The following KCNK2 variants were observed in gnomAD, a reference collection of about 807,000 sequenced individuals.
KCNK2 encodes the protein potassium channel subfamily K member 2.
KCNK2 carries 21 observed loss-of-function variants against 40.5 expected under a neutral mutation model. The observed-to-expected ratio is 0.52, with a 90% CI of 0.37 to 0.75. KCNK2 has a LOEUF of 0.75. KCNK2 is among the 30% of genes least tolerant of loss of function. The probability of loss-of-function intolerance (pLI) is 0.00; values close to 1 mark genes in which losing one functional copy is unlikely to be tolerated. For synonymous variants in KCNK2, 191 were observed against 202.2 expected, an observed-to-expected ratio of 0.94 and a Z score of 0.47; for missense variants, 399 against 531.6, an observed-to-expected ratio of 0.75 and a Z score of 2.45.
intron 5 of KCNK2, among the ~76,000 whole-genome samples, chr1:215,175,927 C>G (rs920696388): frequency 1.3e-5 from 2 of 151,976 alleles, no homozygotes; most frequent in African/African-American, 4.8e-5. Context: ...TGATTCCATG[C>G]CTTGGCTATT....
intron 2 of KCNK2, among the ~76,000 whole-genome samples, chr1:215,088,243 A>G (rs944447877): frequency 6.6e-6 from 1 of 152,182 alleles, no homozygotes; most frequent in Admixed American, 6.5e-5. Flanking sequence ...TGGAGGCAGC[A>G]TGGTGTAGCA....
chr1:215,091,371 C>T (rs189394378), intron 2 of KCNK2, among the ~76,000 whole-genome samples: 38 of 152,248 alleles, frequency 2.5e-4, no homozygotes, highest in Admixed American at 1.1e-3. Flanking sequence ...CCTACTCCTC[C>T]ACTTGGTGTC....
At chr1:215,019,231 GT>G (rs1183704057) in intron 1 of KCNK2, among the ~76,000 whole-genome samples, 1 of 152,168 alleles carries the variant, frequency 6.6e-6, no homozygotes, top group East Asian at 1.9e-4. Flanking sequence ...TGCTTTTAAA[GT>G]TTTCTGAGCA....
intron 6 of KCNK2, among the ~76,000 whole-genome samples, chr1:215,206,496 C>T (rs1665319081): frequency 6.6e-6 from 1 of 152,004 alleles, no homozygotes; most frequent in African/African-American, 2.4e-5. Context: ...TATGGAAAAT[C>T]ATATTTAGCC....
intron 1 of KCNK2, among the ~76,000 whole-genome samples, chr1:215,027,829 C>T (rs1367736193): frequency 6.6e-6 from 1 of 152,046 alleles, no homozygotes; most frequent in African/African-American, 2.4e-5. Context: ...TCTAACTTGC[C>T]TTCCATTCAC....
At chr1:215,090,096 G>C (rs368944042) in intron 2 of KCNK2, among the ~76,000 whole-genome samples, 1 of 152,130 alleles carries the variant, frequency 6.6e-6, no homozygotes, top group African/African-American at 2.4e-5. Context: ...AAAGAGCTGA[G>C]ATTACAGATG....
At chr1:215,039,556 A>T (rs920675281) in intron 1 of KCNK2, among the ~76,000 whole-genome samples, 1 of 152,160 alleles carries the variant, frequency 6.6e-6, no homozygotes, top group Non-Finnish European at 1.5e-5. Context: ...TGATAGAGGA[A>T]CTCAATTGAA....
intron 3 of KCNK2, among the ~76,000 whole-genome samples, chr1:215,157,469 T>G (rs1662984001): frequency 6.6e-6 from 1 of 152,206 alleles, no homozygotes; most frequent in South Asian, 2.1e-4. Flanking sequence ...TGCAATCTTC[T>G]CTATTCCTCA....
At chr1:215,009,833 T>C (rs1013039695) in intron 1 of KCNK2, among the ~76,000 whole-genome samples, 2 of 152,180 alleles carry the variant, frequency 1.3e-5, no homozygotes, top group Non-Finnish European at 2.9e-5. Flanking sequence ...TTCTCTGTCT[T>C]CTCTACTATA....
At chr1:215,214,762 G>GT (rs780415615) in intron 6 of KCNK2, among the ~76,000 whole-genome samples, 2 of 152,048 alleles carry the variant, frequency 1.3e-5, no homozygotes, top group Non-Finnish European at 2.9e-5. Flanking sequence ...GGAGGTCGAG[G>GT]TTGCAAGGAG....
At position 215,205,767 on chromosome 1, in the gene KCNK2, C is replaced by T. The variant is rs142550753; in HGVS notation, c.963+10675C>T. Among the ~76,000 whole-genome samples the T allele has an allele frequency of 3.5e-4, 54 of 152,260 alleles. 1 individual carries two copies. Among genetic ancestry groups the T allele is most frequent in the African/African-American group, 1.3e-3 (53 of 41,542 alleles). ...GGCTATTTGTTCTATATAACCTTTG[C>T]TATCCTGATTAATTTGGTAACACAC... On this transcript the variant is annotated intron_variant, in intron 6 of 6. Transcript: ENST00000444842.
At chr1:215,064,678 T>C (rs1054972442) in intron 1 of KCNK2, among the ~76,000 whole-genome samples, 1 of 152,172 alleles carries the variant, frequency 6.6e-6, no homozygotes, top group Non-Finnish European at 1.5e-5. Context: ...GATGATACCA[T>C]CTAAGAGTAT....
intron 2 of KCNK2, among the ~76,000 whole-genome samples, chr1:215,093,583 A>G (rs1659800244): frequency 9.4e-6 from 1 of 106,310 alleles, no homozygotes; most frequent in Non-Finnish European, 1.7e-5. Context: ...TAGTATATAT[A>G]CTATATAATA....
intron 3 of KCNK2, among the ~76,000 whole-genome samples, chr1:215,140,315 A>G (rs1662119545): frequency 6.6e-6 from 1 of 152,188 alleles, no homozygotes; most frequent in Non-Finnish European, 1.5e-5. Flanking sequence ...TGTGAGATCC[A>G]ATATATGTCA....
chr1:215,114,994 GGTGTGT>G (rs59948899), intron 2 of KCNK2, among the ~76,000 whole-genome samples: 13,684 of 146,642 alleles, frequency 0.093, 648 homozygotes, highest in Middle Eastern at 0.18. Flanking sequence ...TACTTTGTCA[GGTGTGT>G]GTGTGTGTGT....
intron 2 of KCNK2, among the ~76,000 whole-genome samples, chr1:215,102,414 T>G: frequency 6.6e-6 from 1 of 152,062 alleles, no homozygotes; most frequent in Non-Finnish European, 1.5e-5. Flanking sequence ...TTTGTACAGC[T>G]GTACAATGTG....
At chr1:215,158,290 A>T (rs1288242236) in intron 3 of KCNK2, among the ~76,000 whole-genome samples, 1 of 152,150 alleles carries the variant, frequency 6.6e-6, no homozygotes. Context: ...TAGATTGGCT[A>T]TCCTAACATC....
At chr1:215,209,431 A>T (rs953113230) in intron 6 of KCNK2, among the ~76,000 whole-genome samples, 3 of 11,014 alleles carry the variant, frequency 2.7e-4, no homozygotes, top group Non-Finnish European at 3.2e-4. Context: ...TAATATATAT[A>T]ATATAAAATA....
chr1:215,095,068 G>T (rs1008242519), intron 2 of KCNK2, among the ~76,000 whole-genome samples: 2 of 151,828 alleles, frequency 1.3e-5, no homozygotes, highest in Admixed American at 6.6e-5. Flanking sequence ...TGTAATAATA[G>T]CTCTAAAATT....
Sources: allele counts gnomAD v4.1 joint callset (sites outside exome capture counted in the v4.1 genomes callset), GRCh38; gene constraint gnomAD v4.1.1; transcripts MANE v1.5; gene names NCBI Gene and HGNC (gene_info 2026-07-23, HGNC 2026-07-21).